The following OPCML variants were observed in gnomAD, a reference collection of about 807,000 sequenced individuals.
OPCML encodes opioid binding protein/cell adhesion molecule like.
Under a neutral mutation model 37.8 loss-of-function variants are expected in OPCML, and 13 were observed. The observed-to-expected ratio is 0.34, with a 90% CI of 0.22 to 0.55. The LOEUF (loss-of-function observed/expected upper bound fraction) is 0.55, where lower values mean the gene tolerates loss of function less well. Ranked by LOEUF, OPCML falls within the 20% of genes least tolerant of loss-of-function variation. The pLI is 0.91. For synonymous variants in OPCML, 176 were observed against 168.8 expected (o/e 1.04, Z -0.33); for missense variants, 341 against 435.6 (o/e 0.78, Z 1.93).
At chr11:133,492,616 G>GGA (rs1328066477) in intron 1 of OPCML, among the ~76,000 whole-genome samples, 32 of 151,738 alleles carry the variant, frequency 2.1e-4, no homozygotes, top group African/African-American at 7.7e-4. Flanking sequence ...GAATTAAGTT[G>GGA]GAGACAATGA....
chr11:132,975,517 C>G lies in OPCML; in HGVS notation c.62-32507G>C, dbSNP rs557152689. Among the ~76,000 whole-genome samples, 5 of 95,416 alleles carry G rather than the reference C, an allele frequency of 5.2e-5. No individual in the cohort carries two copies. In the East Asian group the frequency reaches 1.4e-3, roughly 27 times the overall value. The allele number at this position is 95,416 out of a possible 152,430, so 62.6% of individuals were successfully genotyped here. On this transcript the variant is annotated intron_variant, in intron 1 of 7. Transcript: ENST00000524381. ...AACTTCTCCAGCCTGGATGTCCCAT[C>G]CAGGTTTCAAGCAAAAAAAAAAAAA...
At position 132,909,230 on chromosome 11, in the gene OPCML, AT is replaced by A. The variant is rs144334358; in HGVS notation, c.146+33695del. Among the ~76,000 whole-genome samples the A allele has an allele frequency of 7.5e-3, 1,145 of 152,324 alleles. 12 individuals carry two copies. Among genetic ancestry groups the A allele is most frequent in the African/African-American group, 0.026 (1,100 of 41,568 alleles). The stretch of plus-strand genomic sequence containing the variant: ...TCACACATCCACACTTTAAAAAAAA[AT>A]AACCAGTCTAATGGTATGTTAATAA... On this transcript the variant is annotated intron_variant, in intron 2 of 7. Coordinates refer to ENST00000524381, the MANE Select transcript of OPCML (RefSeq NM_001012393.5).
intron 1 of OPCML, among the ~76,000 whole-genome samples, chr11:133,056,362 C>A (rs1291714463): frequency 6.6e-6 from 1 of 152,176 alleles, no homozygotes; most frequent in African/African-American, 2.4e-5. Flanking sequence ...GAATCCATAC[C>A]TGCTTAGAGT....
chr11:132,882,619 A>T (rs1403071149), intron 2 of OPCML, among the ~76,000 whole-genome samples: 2 of 152,184 alleles, frequency 1.3e-5, no homozygotes, highest in African/African-American at 2.4e-5. Flanking sequence ...ATGTGTTAGC[A>T]AGGTTGAAGG....
intron 1 of OPCML, among the ~76,000 whole-genome samples, chr11:133,106,701 G>T (rs897414245): frequency 6.6e-6 from 1 of 152,228 alleles, no homozygotes; most frequent in Non-Finnish European, 1.5e-5. Context: ...CCAGACAATA[G>T]AGCACATGTC....
At chr11:133,161,222 A>T (rs1950137260) in intron 1 of OPCML, among the ~76,000 whole-genome samples, 1 of 152,226 alleles carries the variant, frequency 6.6e-6, no homozygotes, top group Admixed American at 6.5e-5. Context: ...CAGTGACAAG[A>T]TAAAAATGCA....
intron 2 of OPCML, among the ~76,000 whole-genome samples, chr11:132,831,231 C>A (rs1940664314): frequency 6.6e-6 from 1 of 152,182 alleles, no homozygotes; most frequent in Non-Finnish European, 1.5e-5. Flanking sequence ...AAGGTTAATA[C>A]AACTCACTAT....
At chr11:132,844,965 A>AT (rs150256623) in intron 2 of OPCML, among the ~76,000 whole-genome samples, 2,659 of 142,654 alleles carry the variant, frequency 0.019, 33 homozygotes, top group Non-Finnish European at 0.027. Flanking sequence ...AAAAAAACCT[A>AT]TTTTTTTTTT....
At chr11:132,483,702 C>G (rs957086703) in intron 4 of OPCML, among the ~76,000 whole-genome samples, 13 of 152,076 alleles carry the variant, frequency 8.5e-5, no homozygotes, top group Admixed American at 7.2e-4. Flanking sequence ...CAGCATGGTA[C>G]TGGTACCAAA....
intron 1 of OPCML, among the ~76,000 whole-genome samples, chr11:133,510,020 A>G (rs1373009369): frequency 6.6e-6 from 1 of 152,104 alleles, no homozygotes; most frequent in African/African-American, 2.4e-5. Context: ...GAAGTCTTTA[A>G]GTGGAGAGTT....
At chr11:133,262,447 C>T (rs1337991112) in intron 1 of OPCML, among the ~76,000 whole-genome samples, 1 of 152,164 alleles carries the variant, frequency 6.6e-6, no homozygotes, top group East Asian at 1.9e-4. Flanking sequence ...GGGCCTAACA[C>T]CATCTAACAG....
intron 1 of OPCML, among the ~76,000 whole-genome samples, chr11:133,426,484 G>A (rs555525033): frequency 2.0e-5 from 3 of 152,210 alleles, no homozygotes; most frequent in East Asian, 1.9e-4. Context: ...CAACTTCTGC[G>A]CGTTGGTAAG....
At chr11:132,909,712 C>T (rs1297325597) in intron 2 of OPCML, among the ~76,000 whole-genome samples, 2 of 152,154 alleles carry the variant, frequency 1.3e-5, no homozygotes, top group Non-Finnish European at 2.9e-5. Context: ...AGCTTTGGGG[C>T]CCAAGAAATG....
chr11:133,446,640 C>G (rs376598405), intron 1 of OPCML, among the ~76,000 whole-genome samples: 11 of 152,294 alleles, frequency 7.2e-5, no homozygotes, highest in African/African-American at 2.6e-4. Flanking sequence ...CACCACAATT[C>G]AGTTTTAGAA....
At chr11:133,152,180 T>C (rs984700015) in intron 1 of OPCML, among the ~76,000 whole-genome samples, 7 of 152,132 alleles carry the variant, frequency 4.6e-5, no homozygotes, top group Non-Finnish European at 8.8e-5. Context: ...AAAAGAGGAA[T>C]GATTTAAAAA....
At chr11:132,522,523 A>C (rs531309168) in intron 4 of OPCML, among the ~76,000 whole-genome samples, 86 of 152,382 alleles carry the variant, frequency 5.6e-4, no homozygotes, top group African/African-American at 1.9e-3. Context: ...CAAAGAATGC[A>C]TTCAAATGCA....
chr11:133,091,691 C>T (rs777698542), intron 1 of OPCML, among the ~76,000 whole-genome samples: 1 of 152,170 alleles, frequency 6.6e-6, no homozygotes, highest in Non-Finnish European at 1.5e-5. Flanking sequence ...TATCTTATGA[C>T]CCTCCCACCA....
At chr11:132,443,694 G>A (rs2096044426) in intron 4 of OPCML, among the ~76,000 whole-genome samples, 1 of 152,232 alleles carries the variant, frequency 6.6e-6, no homozygotes, top group African/African-American at 2.4e-5. Context: ...TGGACATCCT[G>A]TCATGGACAT....
intron 1 of OPCML, among the ~76,000 whole-genome samples, chr11:133,366,784 G>C (rs1944549475): frequency 6.6e-6 from 1 of 152,150 alleles, no homozygotes; most frequent in African/African-American, 2.4e-5. Context: ...TCACATGTAA[G>C]AGCTACCTAT....
Sources: gnomAD v4.1 joint callset for allele counts (sites outside exome capture counted in the v4.1 genomes callset) on GRCh38, gnomAD v4.1.1 for gene constraint, MANE v1.5 for transcripts, NCBI Gene and HGNC (gene_info 2026-07-23, HGNC 2026-07-21) for gene names.